Variants in CPEB1 observed in about 807,000 individuals in gnomAD.
The protein encoded by CPEB1 is cytoplasmic polyadenylation element-binding protein 1.
CPEB1 carries 7 observed loss-of-function variants against 65.8 expected under a neutral mutation model. The ratio of observed to expected loss-of-function variants is 0.11; its 90% CI spans 0.06 to 0.20. The LOEUF (loss-of-function observed/expected upper bound fraction) is 0.20. CPEB1 is among the 10% of genes least tolerant of loss of function. The pLI, the probability that CPEB1 is intolerant of heterozygous loss-of-function variation, is 1.00. For synonymous variants in CPEB1, 262 were observed against 260.0 expected, an observed-to-expected ratio of 1.01 and a Z score of -0.08; for missense variants, 551 against 712.2, an observed-to-expected ratio of 0.77 and a Z score of 2.58.
chr15:82,648,127 G>A (rs949300542), upstream of CPEB1: 122 of 357,656 alleles, frequency 3.4e-4, no homozygotes, highest in Middle Eastern at 1.4e-3. Context: ...GGAGGGCTCC[G>A]CCGCCCACCC....
chr15:82,634,702 T>G (rs547626546), intron 1 of CPEB1, among the ~76,000 whole-genome samples: 2 of 152,190 alleles, frequency 1.3e-5, no homozygotes, highest in South Asian at 4.1e-4. Flanking sequence ...AAAATTTTTC[T>G]GAAGTATTTT....
At position 82,582,987 on chromosome 15, in the gene CPEB1, C is replaced by T. The variant is rs1172645934; in HGVS notation, c.272-11455G>A. Among the ~76,000 whole-genome samples, 6 of 151,828 alleles carry T rather than the reference C, an allele frequency of 4.0e-5. No individual in the cohort carries two copies. In the South Asian group the frequency reaches 6.3e-4, roughly 16 times the overall value. On this transcript the variant is annotated intron_variant, in intron 3 of 12. Coordinates refer to ENST00000684509, the MANE Select transcript of CPEB1 (RefSeq NM_001365242.1). ...TGATCTCCTGACCTTGTGATCCGCC[C>T]GCCTCAGCCTCCCAAAGTGCTGTAG...
At chr15:82,581,925 A>G (rs950802009) in intron 3 of CPEB1, among the ~76,000 whole-genome samples, 43 of 152,344 alleles carry the variant, frequency 2.8e-4, no homozygotes, top group African/African-American at 9.4e-4. Flanking sequence ...TACAGAGACC[A>G]GTCCAGGTAT....
chr15:82,618,350 G>A (rs1384690155), intron 3 of CPEB1, among the ~76,000 whole-genome samples: 1 of 152,152 alleles, frequency 6.6e-6, no homozygotes, highest in Non-Finnish European at 1.5e-5. Context: ...ATACACATAT[G>A]TATATTCTCT....
At chr15:82,552,704 G>A (rs576855202) in intron 8 of CPEB1, 88 bp from the exon 9 acceptor site, 2 of 1,398,506 alleles carry the variant, frequency 1.4e-6, no homozygotes, top group South Asian at 2.4e-5. Context: ...TTTCTTCCAA[G>A]AAAGAAGGTC....
At chr15:82,617,297 A>G (rs2044808649) in intron 3 of CPEB1, among the ~76,000 whole-genome samples, 1 of 152,156 alleles carries the variant, frequency 6.6e-6, no homozygotes, top group Non-Finnish European at 1.5e-5. Flanking sequence ...CCATTCATCT[A>G]TTGATGGACA....
chr15:82,634,271 C>T (rs1261325539), intron 1 of CPEB1, among the ~76,000 whole-genome samples: 1 of 151,094 alleles, frequency 6.6e-6, no homozygotes, highest in Non-Finnish European at 1.5e-5. Flanking sequence ...GATATGTTTG[C>T]TAAAGATCCC....
intron 3 of CPEB1, among the ~76,000 whole-genome samples, chr15:82,619,076 C>T (rs886303790): frequency 3.3e-5 from 5 of 152,084 alleles, no homozygotes; most frequent in African/African-American, 1.2e-4. Flanking sequence ...TATAAAGCTA[C>T]AATAATTAAG....
At chr15:82,581,623 A>G (rs893456212) in intron 3 of CPEB1, among the ~76,000 whole-genome samples, 2 of 152,214 alleles carry the variant, frequency 1.3e-5, no homozygotes, top group African/African-American at 4.8e-5. Context: ...CATTTTAATA[A>G]TGGCCATCCT....
In CPEB1 at chr15:82,598,507, G is replaced by A. The variant is rs369983446; in HGVS notation, c.272-26975C>T. 2.8e-4 allele frequency among the ~76,000 whole-genome samples: 42 copies of A among 151,258 alleles called. No homozygotes were observed. In the East Asian group the frequency reaches 5.5e-3, roughly 20 times the overall value. ...CTGTCTCAAAAAAACAAAACAGGCTGGGCGCAGTGGTTCACGCCTATAATC... is the reference window on the plus strand; with the variant it reads ...CTGTCTCAAAAAAACAAAACAGGCTAGGCGCAGTGGTTCACGCCTATAATC... On this transcript the variant is annotated intron_variant, in intron 3 of 12. Coordinates refer to ENST00000684509, the MANE Select transcript of CPEB1 (RefSeq NM_001365242.1).
At chr15:82,636,561 G>C (rs1047113829) in intron 1 of CPEB1, among the ~76,000 whole-genome samples, 1 of 152,198 alleles carries the variant, frequency 6.6e-6, no homozygotes, top group Non-Finnish European at 1.5e-5. Flanking sequence ...GAACATTAGA[G>C]AATATTTCAT....
At chr15:82,583,103 G>A (rs190323367) in intron 3 of CPEB1, among the ~76,000 whole-genome samples, 85 of 152,094 alleles carry the variant, frequency 5.6e-4, no homozygotes, top group African/African-American at 2.0e-3. Flanking sequence ...TTTCACATTC[G>A]GGTGTTTCTA....
intron 1 of CPEB1, among the ~76,000 whole-genome samples, chr15:82,634,905 G>A (rs1325360477): frequency 3.9e-5 from 6 of 152,132 alleles, no homozygotes; most frequent in Non-Finnish European, 5.9e-5. Flanking sequence ...TCGCCCAGGA[G>A]TGCAGTGGTA....
chr15:82,647,997 G>A, upstream of CPEB1: 1 of 701,950 alleles, frequency 1.4e-6, no homozygotes, highest in Non-Finnish European at 2.0e-6. Flanking sequence ...AGCTTATGAA[G>A]CTCCTACGAG....
intron 3 of CPEB1, chr15:82,573,111 C>A: frequency 2.0e-6 from 3 of 1,535,616 alleles, no homozygotes; most frequent in Non-Finnish European, 2.6e-6. Context: ...CCTCCCATGG[C>A]AGGGTCGAGA....
At chr15:82,637,566 CT>C (rs1400791242) in intron 1 of CPEB1, among the ~76,000 whole-genome samples, 4 of 152,194 alleles carry the variant, frequency 2.6e-5, no homozygotes, top group African/African-American at 9.7e-5. Context: ...TTACTCATCT[CT>C]TTAACCCTCG....
At chr15:82,607,512 G>A (rs2043732382) in intron 3 of CPEB1, among the ~76,000 whole-genome samples, 5 of 152,052 alleles carry the variant, frequency 3.3e-5, no homozygotes. Context: ...TGCTTGAACT[G>A]GGAAGCAGAA....
intron 1 of CPEB1, among the ~76,000 whole-genome samples, chr15:82,644,231 G>C (rs1413270236): frequency 6.6e-6 from 1 of 152,150 alleles, no homozygotes; most frequent in Non-Finnish European, 1.5e-5. Context: ...TGCCAATGCA[G>C]TTAAGGTTCA....
chr15:82,610,865 G>A (rs1267884192), intron 3 of CPEB1, among the ~76,000 whole-genome samples: 1 of 142,636 alleles, frequency 7.0e-6, no homozygotes, highest in African/African-American at 2.6e-5. Context: ...GGCTGAGGCA[G>A]GAGAATTGCT....
Sources: gnomAD v4.1 joint callset for allele counts (sites outside exome capture counted in the v4.1 genomes callset) on GRCh38, gnomAD v4.1.1 for gene constraint, MANE v1.5 for transcripts, NCBI Gene and HGNC (gene_info 2026-07-23, HGNC 2026-07-21) for gene names.